Variants in C22orf23 observed in about 807,000 individuals in gnomAD.
The protein encoded by C22orf23 is chromosome 22 open reading frame 23.
In C22orf23, 30 loss-of-function variants were observed where a neutral mutation model predicts 29.7. The observed-to-expected ratio is 1.01, with a 90% CI of 0.76 to 1.37. The LOEUF (loss-of-function observed/expected upper bound fraction) is 1.37, where lower values mean the gene tolerates loss of function less well. C22orf23 is among the 40% of genes most tolerant of loss of function. The pLI is 0.00. For missense variants in C22orf23, 237 were observed against 273.1 expected, an observed-to-expected ratio of 0.87 and a Z score of 0.93; for synonymous variants, 90 against 96.1, an observed-to-expected ratio of 0.94 and a Z score of 0.37.
chr22:37,951,987 G>A, intron 2 of C22orf23, among the ~76,000 whole-genome samples: 1 of 151,228 alleles, frequency 6.6e-6, no homozygotes, highest in Non-Finnish European at 1.5e-5. Context: ...GGCTAATTTT[G>A]TACTTTTAGT....
Position 37,953,564 on chromosome 22 carries a change from GGCTGC to G in C22orf23, c.-131_-127del. The G allele has an allele frequency of 1.7e-6, 1 of 585,204 alleles. No homozygotes were observed. The highest frequency in any genetic ancestry group is 3.0e-6 in the Non-Finnish European group (1 of 338,122). The allele number at this position is 585,204 out of a possible 1,614,324, so 36.3% of individuals were successfully genotyped here. A position where few individuals can be genotyped will look rare whatever the true frequency, so the allele number is the denominator to read the frequency against. ...CCACGCAGAAATACTGCGCGATCTG[GGCTGC>G]TGGAGCTGGCAGCTAGCGCCTCTCG... On this transcript the variant is annotated 5_prime_UTR_variant, in exon 1 of 7. Coordinates refer to ENST00000403305, the MANE Select transcript of C22orf23 (RefSeq NM_032561.5).
Position 37,943,535 on chromosome 22 carries a change from A to C in C22orf23, c.*640T>G, listed in dbSNP as rs1265478032. On this transcript the variant is annotated 3_prime_UTR_variant, in exon 7 of 7. Transcript: ENST00000403305. ...TCACAGAGGGATAATGAACCGTTGC[A>C]GAGGTTTATTGAGATCATTAACAGA... 6.5e-6 allele frequency: 1 copy of C among 153,280 alleles called. No homozygotes were observed. The highest frequency in any genetic ancestry group is 1.5e-5 in the Non-Finnish European group (1 of 68,840). 9.5% of individuals were successfully genotyped at this position (153,280 alleles called of 1,614,324 possible). A position where few individuals can be genotyped will look rare whatever the true frequency, so the allele number is the denominator to read the frequency against.
chr22:37,950,170 T>G (rs1474965413), intron 3 of C22orf23, among the ~76,000 whole-genome samples: 1 of 152,050 alleles, frequency 6.6e-6, no homozygotes, highest in Non-Finnish European at 1.5e-5. Context: ...TGGAGTGCAG[T>G]GGTATGGTCT....
chr22:37,945,276 G>T, intron 4 of C22orf23, 103 bp from the exon 5 acceptor site: 2 of 1,399,258 alleles, frequency 1.4e-6, no homozygotes, highest in Non-Finnish European at 1.9e-6. Context: ...GCCTGGTCAT[G>T]CAGACAGGGC....
chr22:37,952,595 C>T (rs1374796711), intron 2 of C22orf23: 1 of 137,232 alleles, frequency 7.3e-6, no homozygotes, highest in Non-Finnish European at 1.5e-5. Flanking sequence ...CTTTCTGAAC[C>T]CCAGGCTCCT....
At chr22:37,945,512 T>TC (rs1310432776) in intron 4 of C22orf23, among the ~76,000 whole-genome samples, 175 of 148,306 alleles carry the variant, frequency 1.2e-3, no homozygotes, top group Non-Finnish European at 1.8e-3. Flanking sequence ...TTTTTTTTTT[T>TC]GAGACAAGGT....
intron 2 of C22orf23, 108 bp downstream of exon 2, chr22:37,952,939 G>A: frequency 1.3e-6 from 1 of 787,132 alleles, no homozygotes; most frequent in Non-Finnish European, 2.2e-6. Context: ...AGGTGGAACA[G>A]TTTCATCCCG....
At chr22:37,951,543 T>G (rs752518890) in intron 2 of C22orf23, 21 bp from the exon 3 acceptor site, 2 of 1,612,562 alleles carry the variant, frequency 1.2e-6, no homozygotes, top group Non-Finnish European at 1.7e-6. Context: ...AAGCATTCTA[T>G]GAGGCCTCTT....
intron 3 of C22orf23, among the ~76,000 whole-genome samples, chr22:37,950,654 C>T (rs978195148): frequency 6.6e-6 from 1 of 152,010 alleles, no homozygotes; most frequent in Non-Finnish European, 1.5e-5. Flanking sequence ...TGCCTGGAAT[C>T]CCAGCACTTT....
Position 37,947,346 on chromosome 22 carries a change from C to T in C22orf23, c.284G>A (p.Arg95Gln), listed in dbSNP as rs145913018. The stretch of plus-strand genomic sequence containing the variant: ...ATTGGCTTGACACATGTTGGCAGGC[C>T]GGAGGTGGGGACGGGCTGCGAGGAT... ...PPILAARPHL[R>Q]PANMCQANGA... The change falls in exon 4 of 7, where the codon CGG becomes CAG. Residue 95 changes from arginine to glutamine, a missense_variant. Arg to Gln is a conservative substitution (Grantham distance 43). Coordinates refer to ENST00000403305, the MANE Select transcript of C22orf23 (RefSeq NM_032561.5). 48 of 1,613,622 alleles carry T rather than the reference C, an allele frequency of 3.0e-5. No homozygotes were observed. Among genetic ancestry groups the T allele is most frequent in the Middle Eastern group, 1.6e-4 (1 of 6,084 alleles).
Position 37,947,365 on chromosome 22 carries a change from C to T in C22orf23, c.265G>A (p.Ala89Thr), listed in dbSNP as rs779791394. Residue 89 changes from alanine to threonine, a missense_variant, in exon 4 of 7, where the codon GCA becomes ACA. By Grantham distance (58) the Ala-to-Thr change is moderately conservative. Transcript: ENST00000403305. ...ASPIYLPPIL[A>T]ARPHLRPANM... is the part of the protein sequence containing the mutation. ...GCAGGCCGGAGGTGGGGACGGGCTG[C>T]GAGGATGGGAGGCAGGTAGATGGGC... 1.1e-4 allele frequency: 181 copies of T among 1,613,688 alleles called. No individual in the cohort carries two copies. The highest frequency in any genetic ancestry group is 1.4e-4 in the Non-Finnish European group (166 of 1,179,878).
intron 2 of C22orf23, chr22:37,952,766 C>T: frequency 2.8e-6 from 1 of 357,760 alleles, no homozygotes. Flanking sequence ...AACCGGGCCG[C>T]ACAGCAGGAG....
At chr22:37,947,502 CTTTTTTTTTTTTT>C (rs11359710) in intron 3 of C22orf23, 39 bp from the exon 4 acceptor site, 11 of 321,278 alleles carry the variant, frequency 3.4e-5, no homozygotes, top group Admixed American at 1.3e-4. Context: ...ACCCACATGG[CTTTTTTTTTTTTT>C]TTTTTTTTTT....
chr22:37,953,185 A>G (rs1931175671), intron 1 of C22orf23, 27 bp from the exon 2 acceptor site: 2 of 1,473,862 alleles, frequency 1.4e-6, no homozygotes, highest in South Asian at 2.3e-5. Context: ...GCAATGACAC[A>G]CCCCCTGTCT....
At chr22:37,951,605 A>G (rs1428077604) in intron 2 of C22orf23, 83 bp from the exon 3 acceptor site, 1 of 1,218,236 alleles carries the variant, frequency 8.2e-7, no homozygotes, top group African/African-American at 1.5e-5. Context: ...TTAAAACCCT[A>G]CATCCTAGCC....
chr22:37,949,087 A>G (rs1930863796), intron 3 of C22orf23, among the ~76,000 whole-genome samples: 1 of 152,076 alleles, frequency 6.6e-6, no homozygotes, highest in Non-Finnish European at 1.5e-5. Context: ...ATGGGTTCCT[A>G]AAACTTTCTG....
At chr22:37,944,565 CGGGT>C in intron 5 of C22orf23, 48 bp from the exon 6 acceptor site, 3 of 1,523,246 alleles carry the variant, frequency 2.0e-6, no homozygotes, top group Non-Finnish European at 2.7e-6. Flanking sequence ...ATGCAGGCAG[CGGGT>C]TGCCTCTCTT....
At chr22:37,944,788 A>G (rs1237482196) in intron 5 of C22orf23, 2 of 569,530 alleles carry the variant, frequency 3.5e-6, no homozygotes, top group Non-Finnish European at 6.1e-6. Context: ...AATCCCAGCT[A>G]CTCAGGTGGC....
At chr22:37,947,236 C>G (rs757282099) in intron 4 of C22orf23, 45 bp downstream of exon 4, 2 of 1,601,990 alleles carry the variant, frequency 1.2e-6, no homozygotes, top group South Asian at 2.2e-5. Flanking sequence ...CCCTTGTCCT[C>G]CCCCAGGGAG....
Sources: allele counts gnomAD v4.1 joint callset (sites outside exome capture counted in the v4.1 genomes callset), GRCh38; gene constraint gnomAD v4.1.1; transcripts MANE v1.5; gene names NCBI Gene and HGNC (gene_info 2026-07-23, HGNC 2026-07-21).